Variants in DCLK2 observed in about 807,000 individuals in gnomAD.
The protein encoded by DCLK2 is doublecortin like kinase 2, also known as serine/threonine-protein kinase DCLK2.
DCLK2 carries 31 observed loss-of-function variants against 78.4 expected under a neutral mutation model. That is an observed-to-expected ratio of 0.40 (90% CI 0.30 to 0.53). The LOEUF (loss-of-function observed/expected upper bound fraction) is 0.53. Ranked by LOEUF, DCLK2 falls within the 20% of genes least tolerant of loss-of-function variation. DCLK2 has a pLI of 0.61. For missense variants in DCLK2, 872 were observed against 973.7 expected (o/e 0.90, Z 1.39); for synonymous variants, 407 against 374.9 (o/e 1.09, Z -0.99).
At chr4:150,192,660 T>G (rs941716653) in intron 2 of DCLK2, among the ~76,000 whole-genome samples, 3 of 152,056 alleles carry the variant, frequency 2.0e-5, no homozygotes, top group Non-Finnish European at 4.4e-5. Flanking sequence ...CAGACATTGT[T>G]CCAAGCAGTT....
At chr4:150,123,065 A>C (rs986822433) in intron 2 of DCLK2, among the ~76,000 whole-genome samples, 3 of 152,194 alleles carry the variant, frequency 2.0e-5, no homozygotes, top group Non-Finnish European at 2.9e-5. Context: ...TTCCAACCAA[A>C]CATTCTCCAC....
At chr4:150,210,912 C>A (rs1740250219) in intron 5 of DCLK2, among the ~76,000 whole-genome samples, 1 of 142,232 alleles carries the variant, frequency 7.0e-6, no homozygotes, top group Non-Finnish European at 1.5e-5. Context: ...TGCGCCATTG[C>A]ACTCCAGCCT....
chr4:150,241,836 GC>G (rs527907661), intron 12 of DCLK2, among the ~76,000 whole-genome samples: 14 of 152,186 alleles, frequency 9.2e-5, no homozygotes, highest in Non-Finnish European at 1.9e-4. Context: ...TTTTGTAAGG[GC>G]CCTAATCTTA....
At chr4:150,102,445 A>ATT in intron 1 of DCLK2, 33 bp from the exon 2 acceptor site, 1 of 1,593,034 alleles carries the variant, frequency 6.3e-7, no homozygotes, top group Non-Finnish European at 8.6e-7. Context: ...GATAGAGATA[A>ATT]TCATGCTAAT....
intron 12 of DCLK2, 90 bp from the exon 13 acceptor site, chr4:150,247,513 G>T: frequency 1.9e-6 from 2 of 1,032,770 alleles, no homozygotes; most frequent in South Asian, 1.5e-5. Flanking sequence ...CCAGAGACTG[G>T]ACTCCTTTCC....
At chr4:150,135,497 T>G (rs1291198873) in intron 2 of DCLK2, among the ~76,000 whole-genome samples, 1 of 152,198 alleles carries the variant, frequency 6.6e-6, no homozygotes, top group Non-Finnish European at 1.5e-5. Flanking sequence ...AATTGGTCAT[T>G]AAGACCCATC....
chr4:150,232,893 A>G (rs1742193105), intron 10 of DCLK2, 65 bp downstream of exon 10: 2 of 1,564,564 alleles, frequency 1.3e-6, no homozygotes, highest in African/African-American at 1.4e-5. Context: ...AGCACATGCA[A>G]ATAATGGCAT....
chr4:150,220,881 G>A, intron 6 of DCLK2, 103 bp downstream of exon 6: 1 of 924,792 alleles, frequency 1.1e-6, no homozygotes, highest in East Asian at 2.7e-5. Context: ...TCCTAAAGAG[G>A]GATGTGATCA....
At chr4:150,219,430 T>C (rs1014903064) in intron 5 of DCLK2, among the ~76,000 whole-genome samples, 4 of 152,020 alleles carry the variant, frequency 2.6e-5, no homozygotes, top group African/African-American at 9.7e-5. Flanking sequence ...CCTGGGCGAT[T>C]TTGTATTTTC....
intron 2 of DCLK2, among the ~76,000 whole-genome samples, chr4:150,155,837 G>A (rs1735233247): frequency 6.6e-6 from 1 of 152,138 alleles, no homozygotes; most frequent in African/African-American, 2.4e-5. Context: ...GAAGCCTACA[G>A]GAAGGTTGGA....
At chr4:150,158,008 C>T (rs577210289) in intron 2 of DCLK2, among the ~76,000 whole-genome samples, 7 of 152,308 alleles carry the variant, frequency 4.6e-5, no homozygotes, top group South Asian at 4.1e-4. Flanking sequence ...GTAATATCTA[C>T]GATGTTTAGC....
chr4:150,188,261 C>A (rs2126332464), intron 2 of DCLK2, among the ~76,000 whole-genome samples: 1 of 152,058 alleles, frequency 6.6e-6, no homozygotes, highest in Admixed American at 6.5e-5. Context: ...ATTGCCTGAG[C>A]CCAGGAGTTC....
intron 2 of DCLK2, among the ~76,000 whole-genome samples, chr4:150,156,560 A>G (rs1006063620): frequency 4.0e-5 from 6 of 151,576 alleles, no homozygotes; most frequent in African/African-American, 1.2e-4. Flanking sequence ...AGTTCCAGCT[A>G]CTCTGAAGCC....
chr4:150,092,385 ACT>A (rs1355358466), intron 1 of DCLK2, among the ~76,000 whole-genome samples: 1 of 152,142 alleles, frequency 6.6e-6, no homozygotes. Context: ...GAACTTTCAC[ACT>A]GTTTCCATAG....
chr4:150,114,425 A>G (rs970010370), intron 2 of DCLK2, among the ~76,000 whole-genome samples: 9 of 152,084 alleles, frequency 5.9e-5, no homozygotes, highest in African/African-American at 2.2e-4. Flanking sequence ...ACTAGATGTA[A>G]GGTACTGTTC....
intron 1 of DCLK2, among the ~76,000 whole-genome samples, chr4:150,096,994 C>T (rs1385482953): frequency 6.6e-6 from 1 of 152,030 alleles, no homozygotes; most frequent in Non-Finnish European, 1.5e-5. Flanking sequence ...AAGAATGGCT[C>T]TGAAACCTCA....
At chr4:150,160,485 A>ATTG (rs1333526312) in intron 2 of DCLK2, among the ~76,000 whole-genome samples, 2 of 152,152 alleles carry the variant, frequency 1.3e-5, no homozygotes, top group East Asian at 3.9e-4. Context: ...ATATTTTGAG[A>ATTG]TTGTTGTTGT....
In DCLK2 at chr4:150,195,393, T is replaced by G. The variant is rs1478165579; in HGVS notation, c.859+2153T>G. On this transcript the variant is annotated intron_variant, in intron 3 of 15. Transcript: ENST00000296550. ...ATAATATTATATAATATATATATTA[T>G]ATAATATTATATATTATATATATTA... is the stretch of plus-strand genomic sequence containing the variant. 1.8e-3 allele frequency among the ~76,000 whole-genome samples: 14 copies of G among 7,898 alleles called. 7 individuals carry two copies. Among genetic ancestry groups the G allele is most frequent in the African/African-American group, 4.4e-3 (10 of 2,290 alleles). The allele number at this position is 7,898 out of a possible 152,430, so 5.2% of individuals were successfully genotyped here. A position where few individuals can be genotyped will look rare whatever the true frequency, so the allele number is the denominator to read the frequency against.
chr4:150,167,568 A>G (rs1391291684), intron 2 of DCLK2, among the ~76,000 whole-genome samples: 1 of 152,204 alleles, frequency 6.6e-6, no homozygotes, highest in Non-Finnish European at 1.5e-5. Context: ...TTAGATTATT[A>G]GCTGACCAGG....
Sources: gnomAD v4.1 joint callset for allele counts (sites outside exome capture counted in the v4.1 genomes callset) on GRCh38, gnomAD v4.1.1 for gene constraint, MANE v1.5 for transcripts, NCBI Gene and HGNC (gene_info 2026-07-23, HGNC 2026-07-21) for gene names.